GLIS1: variants seen among roughly 807,000 people sequenced by gnomAD.
GLIS1 encodes zinc finger protein GLIS1.
A neutral mutation model predicts 63.8 loss-of-function variants in GLIS1; 24 were observed. The ratio of observed to expected loss-of-function variants is 0.38; its 90% confidence interval spans 0.27 to 0.53. GLIS1 has a LOEUF of 0.53. Ranked by LOEUF, GLIS1 falls within the 20% of genes least tolerant of loss-of-function variation. GLIS1 has a pLI of 0.85. For synonymous variants in GLIS1, 450 were observed against 482.5 expected (o/e 0.93, Z 0.88); for missense variants, 1,036 against 1,074.1 (o/e 0.96, Z 0.50).
At chr1:53,655,452 C>T (rs987499306) in intron 2 of GLIS1, among the ~76,000 whole-genome samples, 9 of 152,180 alleles carry the variant, frequency 5.9e-5, no homozygotes, top group African/African-American at 1.9e-4. Context: ...GGAAGTTCTC[C>T]GTGTCTCAGT....
chr1:53,506,816 G>A, intron 10 of GLIS1, 40 bp from the exon 11 acceptor site: 2 of 1,585,166 alleles, frequency 1.3e-6, no homozygotes, highest in Non-Finnish European at 1.7e-6. Context: ...GGAGGCAGCA[G>A]GGGCTGTGCC....
intron 2 of GLIS1, among the ~76,000 whole-genome samples, chr1:53,685,558 G>C (rs987569320): frequency 6.6e-6 from 1 of 152,176 alleles, no homozygotes; most frequent in Non-Finnish European, 1.5e-5. Flanking sequence ...CTGACTCTCC[G>C]AAGCCAAAAT....
chr1:53,710,855 G>A (rs1234213807), intron 2 of GLIS1, among the ~76,000 whole-genome samples: 5 of 152,196 alleles, frequency 3.3e-5, no homozygotes, highest in Non-Finnish European at 7.3e-5. Flanking sequence ...AGTAATTAGA[G>A]TGGTGTTTAG....
At chr1:53,682,552 G>A (rs976475841) in intron 2 of GLIS1, among the ~76,000 whole-genome samples, 7 of 152,254 alleles carry the variant, frequency 4.6e-5, no homozygotes, top group Admixed American at 3.3e-4. Flanking sequence ...AAGTGCTGGC[G>A]TTGCAAGTTG....
At chr1:53,683,209 T>C (rs1379448321) in intron 2 of GLIS1, among the ~76,000 whole-genome samples, 1 of 152,164 alleles carries the variant, frequency 6.6e-6, no homozygotes, top group Non-Finnish European at 1.5e-5. Context: ...ACTGTGGATA[T>C]ACACCATGAA....
intron 4 of GLIS1, among the ~76,000 whole-genome samples, chr1:53,556,444 G>GTA (rs1644828608): frequency 1.4e-5 from 2 of 143,140 alleles, no homozygotes; most frequent in African/African-American, 5.2e-5. Flanking sequence ...TGTACTGCAG[G>GTA]TGTGTGTATG....
intron 4 of GLIS1, among the ~76,000 whole-genome samples, chr1:53,579,174 G>C (rs1165946378): frequency 2.0e-5 from 3 of 152,120 alleles, no homozygotes; most frequent in Non-Finnish European, 4.4e-5. Context: ...TGGAGGAAAG[G>C]GCCCAAAGGC....
intron 4 of GLIS1, among the ~76,000 whole-genome samples, chr1:53,569,327 T>C (rs899952024): frequency 2.0e-5 from 3 of 152,192 alleles, no homozygotes; most frequent in African/African-American, 7.2e-5. Flanking sequence ...TCAATGTAGG[T>C]TCGTTGATCG....
At chr1:53,727,928 A>G (rs532847481) in intron 2 of GLIS1, among the ~76,000 whole-genome samples, 2 of 152,338 alleles carry the variant, frequency 1.3e-5, no homozygotes, top group South Asian at 2.1e-4. Context: ...GGCATCTCAC[A>G]TGTGTTGAGA....
At chr1:53,532,171 C>G (rs12032843) in intron 4 of GLIS1, among the ~76,000 whole-genome samples, 29,400 of 152,070 alleles carry the variant, frequency 0.19, 6,294 homozygotes, top group East Asian at 0.51. Flanking sequence ...AAAGGACAGG[C>G]TCAGATATGT....
At chr1:53,605,235 T>A (rs1329775983) in intron 2 of GLIS1, among the ~76,000 whole-genome samples, 1 of 152,116 alleles carries the variant, frequency 6.6e-6, no homozygotes, top group Non-Finnish European at 1.5e-5. Flanking sequence ...TCAGCCTGGC[T>A]CTGGGGCCAC....
At chr1:53,636,943 T>C (rs545609393) in intron 2 of GLIS1, among the ~76,000 whole-genome samples, 11 of 152,276 alleles carry the variant, frequency 7.2e-5, no homozygotes, top group African/African-American at 2.6e-4. Flanking sequence ...CAGGACGAGG[T>C]CTGACTCACC....
At position 53,633,766 on chromosome 1, in the gene GLIS1, G is replaced by A. The variant is rs1645695308; in HGVS notation, c.260-33488C>T. On this transcript the variant is annotated intron_variant, in intron 2 of 10. Transcript: ENST00000628545. ...TGGTTAGTAACATCCACATGCATGC[G>A]TGCACACACCCAGGTGTGAGAATCA... 3.9e-5 allele frequency among the ~76,000 whole-genome samples: 6 copies of A among 152,110 alleles called. No homozygotes were observed. In the South Asian group the frequency reaches 1.0e-3, roughly 26 times the overall value.
chr1:53,589,918 G>A (rs1645171864), intron 4 of GLIS1, among the ~76,000 whole-genome samples: 1 of 152,326 alleles, frequency 6.6e-6, no homozygotes, highest in Non-Finnish European at 1.5e-5. Context: ...GAATGGCAAG[G>A]ACAGAGTGCC....
rs1343930226 is a variant in GLIS1, at chr1:53,598,432, G to A, written c.437+1669C>T. Reference sequence around the variant, plus strand: ...CGCCTGTAGTCTCAGCTGCTGGAGTGGCTGAGGTGGCAGGATCACTTGAGC... The same window carrying A: ...CGCCTGTAGTCTCAGCTGCTGGAGTAGCTGAGGTGGCAGGATCACTTGAGC... On this transcript the variant is annotated intron_variant, in intron 3 of 10. Coordinates refer to ENST00000628545, the MANE Select transcript of GLIS1 (RefSeq NM_001367484.1). The surrounding 1 kb of genome is among the most constrained non-coding windows in gnomAD (Gnocchi z 4.6). 6.6e-6 allele frequency among the ~76,000 whole-genome samples: 1 copy of A among 152,132 alleles called. No individual in the cohort carries two copies. The highest frequency in any genetic ancestry group is 2.4e-5 in the African/African-American group (1 of 41,426).
intron 2 of GLIS1, among the ~76,000 whole-genome samples, chr1:53,712,050 C>T (rs1646652737): frequency 6.6e-6 from 1 of 152,234 alleles, no homozygotes; most frequent in South Asian, 2.1e-4. Flanking sequence ...TAAGTCCAAT[C>T]TTCTTTTCTG....
chr1:53,619,059 TC>T (rs1645512399), intron 2 of GLIS1, among the ~76,000 whole-genome samples: 1 of 152,254 alleles, frequency 6.6e-6, no homozygotes, highest in Non-Finnish European at 1.5e-5. Flanking sequence ...TCAAAAGGCT[TC>T]ATGATCCAGA....
At chr1:53,733,098 C>T (rs959168644) in intron 2 of GLIS1, among the ~76,000 whole-genome samples, 5 of 152,066 alleles carry the variant, frequency 3.3e-5, no homozygotes, top group African/African-American at 7.2e-5. Flanking sequence ...AAAGTAAAAC[C>T]GAAGAAAATG....
chr1:53,540,510 G>A (rs970558638), intron 4 of GLIS1, among the ~76,000 whole-genome samples: 6 of 152,106 alleles, frequency 3.9e-5, no homozygotes, highest in East Asian at 3.9e-4. Context: ...GTCCTCCTGC[G>A]GTGGACATCA....
Sources: allele counts gnomAD v4.1 joint callset (sites outside exome capture counted in the v4.1 genomes callset), GRCh38; gene constraint gnomAD v4.1.1; non-coding constraint Gnocchi (gnomAD v3.1); transcripts MANE v1.5; gene names NCBI Gene and HGNC (gene_info 2026-07-23, HGNC 2026-07-21).